SLC35D4: variants seen among roughly 807,000 people sequenced by gnomAD.
SLC35D4 encodes solute carrier family 35 member D4.
At chr18:23,384,880 G>A in the SLC35D4 span, 1 of 893,802 alleles carries the variant, frequency 1.1e-6, no homozygotes, top group Non-Finnish European at 1.8e-6. Context: ...AATCTTGCCT[G>A]GAGATTGGTG....
At chr18:23,402,959 A>T in the SLC35D4 span, among the ~76,000 whole-genome samples, 6 of 152,214 alleles carry the variant, frequency 3.9e-5, no homozygotes, top group Middle Eastern at 3.4e-3. Flanking sequence ...TACAAAAATT[A>T]GCTGGGTAAA....
chr18:23,292,599 T>C, the SLC35D4 span, among the ~76,000 whole-genome samples: 5 of 152,194 alleles, frequency 3.3e-5, no homozygotes, highest in African/African-American at 1.2e-4. Flanking sequence ...TGACAACCCC[T>C]GTGAAACACG....
chr18:23,312,236 C>T, the SLC35D4 span, among the ~76,000 whole-genome samples: 5 of 152,142 alleles, frequency 3.3e-5, no homozygotes, highest in Admixed American at 1.3e-4. Flanking sequence ...TCTGCTCCTC[C>T]GTGAGCCTCT....
the SLC35D4 span, among the ~76,000 whole-genome samples, chr18:23,272,686 C>T: frequency 3.3e-5 from 5 of 152,086 alleles, no homozygotes; most frequent in Admixed American, 1.3e-4. Flanking sequence ...AGAAGCGAAA[C>T]CACACCTGAC....
At chr18:23,434,662 C>T in the SLC35D4 span, among the ~76,000 whole-genome samples, 6 of 151,918 alleles carry the variant, frequency 3.9e-5, no homozygotes, top group African/African-American at 9.7e-5. Flanking sequence ...GGCATGGTGG[C>T]GCACGCCTGT....
chr18:23,371,935 G>GTTTTTTTTTTT, the SLC35D4 span, among the ~76,000 whole-genome samples: 6,967 of 33,578 alleles, frequency 0.21, 1,658 homozygotes, highest in Non-Finnish European at 0.24. Context: ...TGTTTTTTTT[G>GTTTTTTTTTTT]TTTTTTTTTT....
chr18:23,333,974 GGGATGTAACCCTGAGTA>G, the SLC35D4 span, among the ~76,000 whole-genome samples: 1 of 152,122 alleles, frequency 6.6e-6, no homozygotes, highest in African/African-American at 2.4e-5. Flanking sequence ...CTAGGTGCTG[GGGATGTAACCCTGAGTA>G]GGATGTGCCC....
At chr18:23,417,193 G>T in the SLC35D4 span, among the ~76,000 whole-genome samples, 2 of 150,964 alleles carry the variant, frequency 1.3e-5, no homozygotes, top group Non-Finnish European at 2.9e-5. Flanking sequence ...AGTGAGCTAA[G>T]ATTGAGCCAC....
At chr18:23,268,735 T>G in the SLC35D4 span, among the ~76,000 whole-genome samples, 1 of 152,160 alleles carries the variant, frequency 6.6e-6, no homozygotes, top group Non-Finnish European at 1.5e-5. Context: ...TCACAGCATA[T>G]TTTTAGTAGG....
chr18:23,248,375 T>C, the SLC35D4 span, among the ~76,000 whole-genome samples: 1 of 152,050 alleles, frequency 6.6e-6, no homozygotes, highest in Non-Finnish European at 1.5e-5. Context: ...CAGCATCCAC[T>C]CTAGCAAGTT....
chr18:23,371,485 T>TA, the SLC35D4 span: 5 of 1,583,604 alleles, frequency 3.2e-6, no homozygotes, highest in East Asian at 2.3e-5. Flanking sequence ...AACACAAAAT[T>TA]AAAAAAAGAA....
At chr18:23,287,841 G>C in the SLC35D4 span, among the ~76,000 whole-genome samples, 1 of 152,152 alleles carries the variant, frequency 6.6e-6, no homozygotes, top group African/African-American at 2.4e-5. Context: ...CCGGGGTCGC[G>C]TCCTGTAGCC....
At chr18:23,303,906 A>G in the SLC35D4 span, among the ~76,000 whole-genome samples, 12 of 131,346 alleles carry the variant, frequency 9.1e-5, no homozygotes, top group East Asian at 1.1e-3. Context: ...TATCTCCAGG[A>G]AAAAAAAAAA....
chr18:23,409,984 G>A, the SLC35D4 span, among the ~76,000 whole-genome samples: 1 of 151,834 alleles, frequency 6.6e-6, no homozygotes. Flanking sequence ...ATGATTTAAC[G>A]TATATGGGAT....
the SLC35D4 span, chr18:23,298,052 C>T: frequency 1.3e-5 from 21 of 1,613,750 alleles, no homozygotes; most frequent in South Asian, 3.3e-5. Flanking sequence ...CCTCTCCAAG[C>T]GCACCGAGCA....
chr18:23,287,038 A>C, the SLC35D4 span, among the ~76,000 whole-genome samples: 1 of 147,890 alleles, frequency 6.8e-6, no homozygotes, highest in East Asian at 1.9e-4. Flanking sequence ...CCCGCTCAAT[A>C]CCAATATCCC....
chr18:23,371,805 T>TG, the SLC35D4 span, among the ~76,000 whole-genome samples: 6 of 151,968 alleles, frequency 3.9e-5, no homozygotes, highest in Non-Finnish European at 4.4e-5. Context: ...AAGGATAACT[T>TG]GCATTTTCCC....
the SLC35D4 span, among the ~76,000 whole-genome samples, chr18:23,276,154 C>G: frequency 3.0e-4 from 45 of 151,694 alleles, no homozygotes; most frequent in Admixed American, 9.2e-4. Flanking sequence ...GTGGCGCAAT[C>G]TCGGCTCACT....
chr18:23,339,258 T>C, the SLC35D4 span, among the ~76,000 whole-genome samples: 2 of 152,220 alleles, frequency 1.3e-5, no homozygotes, highest in African/African-American at 4.8e-5. Flanking sequence ...TAACTGCTTG[T>C]AGCATTTACA....
Sources: gnomAD v4.1 joint callset for allele counts (sites outside exome capture counted in the v4.1 genomes callset) on GRCh38, gnomAD v4.1.1 for gene constraint, MANE v1.5 for transcripts, NCBI Gene and HGNC (gene_info 2026-07-23, HGNC 2026-07-21) for gene names.